SRRM5: variants seen among roughly 807,000 people sequenced by gnomAD.
SRRM5 encodes serine/arginine repetitive matrix 5, also known as serine/arginine repetitive matrix protein 5.
In SRRM5, 1 loss-of-function variant was observed where a neutral mutation model predicts 1.3. The observed-to-expected ratio is 0.76, with a 90% CI of 0.27 to 3.59. The LOEUF (loss-of-function observed/expected upper bound fraction) is 3.59. Among genes scored for constraint, SRRM5 ranks in the 30% most tolerant of loss-of-function variants. SRRM5 has a pLI of 0.19. For missense variants in SRRM5, 875 were observed against 914.5 expected, an observed-to-expected ratio of 0.96 and a Z score of 0.56; for synonymous variants, 275 against 320.2, an observed-to-expected ratio of 0.86 and a Z score of 1.51.
At position 43,613,639 on chromosome 19, in the gene SRRM5, G is replaced by A. The variant is rs568803309; in HGVS notation, c.1518G>A (p.Glu506=). Residue 506 remains glutamate, a synonymous_variant, in exon 1 of 1, where the codon GAG becomes GAA. Transcript: ENST00000417606. ...GACGATCTAGAAGCCCCAGCAAGGA[G>A]AGACAGTGCAGACAATCTAGAAGCT... ...DHRRSRSPSK[E]RQCRQSRSSS... is the part of the protein sequence containing the mutation. 3.2e-6 allele frequency: 5 copies of A among 1,548,380 alleles called. No homozygotes were observed. The highest frequency in any genetic ancestry group is 4.4e-6 in the Non-Finnish European group (5 of 1,145,446).
Position 43,614,474 on chromosome 19 carries a change from A to T in SRRM5, c.*205A>T, listed in dbSNP as rs1973352148. 1.4e-6 allele frequency: 2 copies of T among 1,424,618 alleles called. No individual in the cohort carries two copies. Among genetic ancestry groups the T allele is most frequent in the African/African-American group, 1.4e-5 (1 of 69,462 alleles). 88.2% of individuals were successfully genotyped at this position (1,424,618 alleles called of 1,614,324 possible). On this transcript the variant is annotated 3_prime_UTR_variant, in exon 1 of 1. Transcript: ENST00000417606. ...AGGAAAGACCTGTGATGATTCAATAAATTTTTACATAGCACCCATCCCCAC... is the reference window on the plus strand; with the variant it reads ...AGGAAAGACCTGTGATGATTCAATATATTTTTACATAGCACCCATCCCCAC...
chr19:43,612,687 G>A lies in SRRM5; in HGVS notation c.566G>A (p.Arg189Lys). The A allele has an allele frequency of 1.9e-6, 3 of 1,551,574 alleles. No individual in the cohort carries two copies. The highest frequency in any genetic ancestry group is 2.6e-6 in the Non-Finnish European group (3 of 1,146,994). The change falls in exon 1 of 1, where the codon AGA becomes AAA. Residue 189 changes from arginine to lysine, a missense_variant. By Grantham distance (26) the Arg-to-Lys change is conservative. Coordinates refer to ENST00000417606, the MANE Select transcript of SRRM5 (RefSeq NM_001145641.2). The surrounding 1 kb of genome is among the most constrained non-coding windows in gnomAD (Gnocchi z 4.2). Reference protein sequence around the residue: ...SNRERSDSQPRNLSKKSYRPP... With the variant: ...SNRERSDSQPKNLSKKSYRPP... ...AGGGAAAGGAGTGACAGCCAGCCTA[G>A]AAATCTGAGCAAGAAGAGTTACCGC...
rs1973335623 is a variant in SRRM5 at position 43,613,684 on chromosome 19, C to T, written c.1563C>T (p.His521=). The T allele has an allele frequency of 2.6e-6, 4 of 1,551,576 alleles. No homozygotes were observed. The highest frequency in any genetic ancestry group is 1.2e-5 in the South Asian group (1 of 84,052). ...GAAGCTCCAGCAAAGAGAGAGATCA[C>T]AGACGATCTAGAAGCCCCAGCAAGG... ...QSRSSSKERD[H]RRSRSPSKER... Residue 521 remains histidine, a synonymous_variant, in exon 1 of 1, where the codon CAC becomes CAT. Coordinates refer to ENST00000417606, the MANE Select transcript of SRRM5 (RefSeq NM_001145641.2).
In SRRM5 at chr19:43,612,535, G is replaced by A. The variant is rs764828004; in HGVS notation, c.414G>A (p.Arg138=). ...GCAGCTCCAAGAGGTCACCCAGCAGGGCCAGCACTCCTGGCAGGATAAGAA... is the reference window on the plus strand; with the variant it reads ...GCAGCTCCAAGAGGTCACCCAGCAGAGCCAGCACTCCTGGCAGGATAAGAA... The part of the protein sequence containing the change: ...GSRSSKRSPS[R]ASTPGRIRTH... The change falls in exon 1 of 1, where the codon AGG becomes AGA. Residue 138 remains arginine, a synonymous_variant. Coordinates refer to ENST00000417606, the MANE Select transcript of SRRM5 (RefSeq NM_001145641.2). This position sits in a 1 kb window ranked among gnomAD's most constrained non-coding sequence, Gnocchi z 4.2. 1 of 1,551,394 alleles carries A rather than the reference G, an allele frequency of 6.4e-7. No homozygotes were observed. Among genetic ancestry groups the A allele is most frequent in the Non-Finnish European group, 8.7e-7 (1 of 1,146,960 alleles).
chr19:43,612,942 C>A lies in SRRM5; in HGVS notation c.821C>A (p.Thr274Asn), dbSNP rs1600087108. ...SRVKSYNQAS[T>N]RSRPQSHSQS... is the part of the protein sequence containing the mutation. ...GTCAAGAGTTATAACCAGGCCAGCACCCGCAGCAGGCCGCAAAGTCACAGC... is the reference window on the plus strand; with the variant it reads ...GTCAAGAGTTATAACCAGGCCAGCAACCGCAGCAGGCCGCAAAGTCACAGC... Residue 274 changes from threonine (T) to asparagine (N), a missense_variant, in exon 1 of 1, where the codon ACC becomes AAC. Coordinates refer to ENST00000417606, the MANE Select transcript of SRRM5 (RefSeq NM_001145641.2). This position sits in a 1 kb window ranked among gnomAD's most constrained non-coding sequence, Gnocchi z 4.2. 7.1e-6 allele frequency: 11 copies of A among 1,551,648 alleles called. No individual in the cohort carries two copies. The highest frequency in any genetic ancestry group is 9.6e-6 in the Non-Finnish European group (11 of 1,146,950).
rs1973324850 is a variant in SRRM5, at chr19:43,613,292, CA to C, written c.1173del (p.Gln391HisfsTer296). ...CCCCAGGAAGGAGAGTGGTCGCAGT[CA>C]ATCAGGAAGCCCCAACAAGCAGAGA... On this transcript the variant is annotated frameshift_variant, in exon 3 of 3. Transcript: ENST00000607544. LOFTEE classifies it low-confidence loss of function (END_TRUNC). 1.3e-6 allele frequency: 2 copies of C among 1,551,468 alleles called. No individual in the cohort carries two copies. The highest frequency in any genetic ancestry group is 1.7e-6 in the Non-Finnish European group (2 of 1,146,974).
rs144221927 is a variant in SRRM5, at chr19:43,613,689, G to T, written c.1568G>T (p.Arg523Leu). ...RSSSKERDHR[R>L]SRSPSKERQR... ...TCCAGCAAAGAGAGAGATCACAGAC[G>T]ATCTAGAAGCCCCAGCAAGGAGAGA... The change falls in exon 1 of 1, where the codon CGA (arginine) becomes CTA (leucine). Residue 523 changes from arginine to leucine, a missense_variant. Physicochemically the swap from Arg to Leu is moderately radical, Grantham distance 102. Coordinates refer to ENST00000417606, the MANE Select transcript of SRRM5 (RefSeq NM_001145641.2). The T allele has an allele frequency of 1.1e-3, 1,682 of 1,550,978 alleles. 10 individuals carry two copies. In the African/African-American group the frequency reaches 0.021, roughly 19 times the overall value.
In SRRM5 at chr19:43,613,977, G is replaced by T. The variant is rs551305864; in HGVS notation, c.1856G>T (p.Arg619Leu). The T allele has an allele frequency of 6.4e-7, 1 of 1,551,626 alleles. No homozygotes were observed. The highest frequency in any genetic ancestry group is 1.2e-5 in the South Asian group (1 of 84,056). ...TCCAGCAAGGAGAAAGCTCATAGCC[G>T]ATCTAGAACCCCCAGCAAAGAAGGA... ...RASSKEKAHS[R>L]SRTPSKEGNH... is the part of the protein sequence containing the mutation. Residue 619 changes from arginine to leucine, a missense_variant, in exon 1 of 1, where the codon CGA becomes CTA. Transcript: ENST00000417606.
chr19:43,613,997 G>A lies in SRRM5; in HGVS notation c.1876G>A (p.Glu626Lys), dbSNP rs1973344018. Reference protein sequence around the residue: ...AHSRSRTPSKEGNHSQSRTSS... With the variant: ...AHSRSRTPSKKGNHSQSRTSS... ...TAGCCGATCTAGAACCCCCAGCAAA[G>A]AAGGAAATCATAGCCAATCTAGAAC... Residue 626 changes from glutamate (E) to lysine (K), a missense_variant, in exon 1 of 1, where the codon GAA (glutamate) becomes AAA (lysine). By Grantham distance (56) the Glu-to-Lys change is moderately conservative. Coordinates refer to ENST00000417606, the MANE Select transcript of SRRM5 (RefSeq NM_001145641.2). 1.3e-6 allele frequency: 2 copies of A among 1,551,756 alleles called. No individual in the cohort carries two copies. The highest frequency in any genetic ancestry group is 1.7e-6 in the Non-Finnish European group (2 of 1,146,996).
rs1973337530 is a variant in SRRM5 at position 43,613,744 on chromosome 19, G to A, written c.1623G>A (p.Lys541=). The A allele has an allele frequency of 3.9e-6, 6 of 1,550,974 alleles. No individual in the cohort carries two copies. The highest frequency in any genetic ancestry group is 1.7e-4 in the Middle Eastern group (1 of 5,992). ...RQRRQSRSPN[K]ERDRSQSRSP... ...GCAGACAATCTAGAAGCCCCAACAAGGAGAGAGATCGCAGCCAATCTAGAA... is the reference window on the plus strand; with the variant it reads ...GCAGACAATCTAGAAGCCCCAACAAAGAGAGAGATCGCAGCCAATCTAGAA... Residue 541 remains lysine, a synonymous_variant, in exon 1 of 1, where the codon AAG becomes AAA. Transcript: ENST00000417606.
chr19:43,612,807 AGAAG>A lies in SRRM5; in HGVS notation c.687_690del (p.Lys230ValfsTer12). ...ACCCCGACTGGAATTCCCTCCAAGGAGAAGAGTGACAACCCATCTCCATCCTCAT... is the reference window on the plus strand; with the variant it reads ...ACCCCGACTGGAATTCCCTCCAAGGAAGTGACAACCCATCTCCATCCTCAT... On this transcript the variant is annotated frameshift_variant, in exon 3 of 3. Transcript: ENST00000607544. LOFTEE classifies it low-confidence loss of function (END_TRUNC). The surrounding 1 kb of genome is among the most constrained non-coding windows in gnomAD (Gnocchi z 4.2). 1.2e-5 allele frequency: 18 copies of A among 1,551,606 alleles called. No individual in the cohort carries two copies. The highest frequency in any genetic ancestry group is 1.6e-5 in the Non-Finnish European group (18 of 1,146,952).
Position 43,612,364 on chromosome 19 carries a change from G to A in SRRM5, c.243G>A (p.Arg81=). 1.3e-6 allele frequency: 2 copies of A among 1,551,642 alleles called. No individual in the cohort carries two copies. Among genetic ancestry groups the A allele is most frequent in the South Asian group, 1.2e-5 (1 of 84,052 alleles). ...CCCCTTCTAACCGGCCCAGCAGCAG[G>A]TCCCGAGTCCGCAGCAAAGCAAGAA... ...KRAPSNRPSS[R]SRVRSKARTP... The change falls in exon 1 of 1, where the codon AGG becomes AGA. Residue 81 remains arginine, a synonymous_variant. Coordinates refer to ENST00000417606, the MANE Select transcript of SRRM5 (RefSeq NM_001145641.2). This position sits in a 1 kb window ranked among gnomAD's most constrained non-coding sequence, Gnocchi z 4.2.
Position 43,612,544 on chromosome 19 carries a change from T to C in SRRM5, c.423T>C (p.Thr141=). The part of the protein sequence containing the change: ...SSKRSPSRAS[T]PGRIRTHGAR... ...AGAGGTCACCCAGCAGGGCCAGCAC[T>C]CCTGGCAGGATAAGAACTCATGGTG... Residue 141 remains threonine (T), a synonymous_variant, in exon 1 of 1, where the codon ACT becomes ACC. Transcript: ENST00000417606. The surrounding 1 kb of genome is among the most constrained non-coding windows in gnomAD (Gnocchi z 4.2). 6.4e-7 allele frequency: 1 copy of C among 1,550,994 alleles called. No homozygotes were observed. Among genetic ancestry groups the C allele is most frequent in the Non-Finnish European group, 8.7e-7 (1 of 1,146,860 alleles).
Position 43,612,562 on chromosome 19 carries a change from T to G in SRRM5, c.441T>G (p.Thr147=), listed in dbSNP as rs1973311561. ...SRASTPGRIR[T]HGARPGMASR... ...CCAGCACTCCTGGCAGGATAAGAAC[T>G]CATGGTGCCAGACCAGGCATGGCCA... The change falls in exon 1 of 1, where the codon ACT becomes ACG. Residue 147 remains threonine (T), a synonymous_variant. Transcript: ENST00000417606. The surrounding 1 kb of genome is among the most constrained non-coding windows in gnomAD (Gnocchi z 4.2). 22 of 1,550,990 alleles carry G rather than the reference T, an allele frequency of 1.4e-5. No homozygotes were observed. Among genetic ancestry groups the G allele is most frequent in the Non-Finnish European group, 1.8e-5 (21 of 1,146,828 alleles).
At position 43,612,361 on chromosome 19, in the gene SRRM5, C is replaced by T; in HGVS notation, c.240C>T (p.Ser80=). 1 of 1,551,736 alleles carries T rather than the reference C, an allele frequency of 6.4e-7. No individual in the cohort carries two copies. ...TKRAPSNRPS[S]RSRVRSKART... ...GAGCCCCTTCTAACCGGCCCAGCAG[C>T]AGGTCCCGAGTCCGCAGCAAAGCAA... The change falls in exon 1 of 1, where the codon AGC becomes AGT. Residue 80 remains serine, a synonymous_variant. Coordinates refer to ENST00000417606, the MANE Select transcript of SRRM5 (RefSeq NM_001145641.2). The surrounding 1 kb of genome is among the most constrained non-coding windows in gnomAD (Gnocchi z 4.2).
chr19:43,613,945 T>A lies in SRRM5; in HGVS notation c.1824T>A (p.Pro608=). The change falls in exon 1 of 1, where the codon CCT becomes CCA. Residue 608 remains proline, a synonymous_variant. Transcript: ENST00000417606. The part of the protein sequence containing the change: ...SPNKQSGYSR[P]RASSKEKAHS... Reference sequence around the variant, plus strand: ...ATAAGCAGAGTGGTTACAGTCGACCTAGAGCCTCCAGCAAGGAGAAAGCTC... The same window carrying A: ...ATAAGCAGAGTGGTTACAGTCGACCAAGAGCCTCCAGCAAGGAGAAAGCTC... 1 of 1,551,646 alleles carries A rather than the reference T, an allele frequency of 6.4e-7. No individual in the cohort carries two copies. Among genetic ancestry groups the A allele is most frequent in the East Asian group, 2.4e-5 (1 of 40,920 alleles).
Position 43,614,434 on chromosome 19 carries a change from G to C in SRRM5, c.*165G>C. ...AGGATGTTGGCAGGTAGAGAGGGATGCTGGATAGGGGGAAAGGAAAGACCT... is the reference window on the plus strand; with the variant it reads ...AGGATGTTGGCAGGTAGAGAGGGATCCTGGATAGGGGGAAAGGAAAGACCT... On this transcript the variant is annotated 3_prime_UTR_variant, in exon 1 of 1. Transcript: ENST00000417606. 4 of 1,451,072 alleles carry C rather than the reference G, an allele frequency of 2.8e-6. No homozygotes were observed. Among genetic ancestry groups the C allele is most frequent in the Non-Finnish European group, 3.6e-6 (4 of 1,106,004 alleles). 89.9% of individuals were successfully genotyped at this position (1,451,072 alleles called of 1,614,324 possible).
Position 43,612,693 on chromosome 19 carries a change from T to G in SRRM5, c.572T>G (p.Leu191Arg). ...RERSDSQPRNLSKKSYRPPGG... is the reference protein window; with the variant it reads ...RERSDSQPRNRSKKSYRPPGG... ...AGGAGTGACAGCCAGCCTAGAAATC[T>G]GAGCAAGAAGAGTTACCGCCCACCA... Residue 191 changes from leucine to arginine, a missense_variant, in exon 1 of 1, where the codon CTG becomes CGG. Transcript: ENST00000417606. The surrounding 1 kb of genome is among the most constrained non-coding windows in gnomAD (Gnocchi z 4.2). The G allele has an allele frequency of 6.4e-7, 1 of 1,551,508 alleles. No individual in the cohort carries two copies.
Position 43,613,108 on chromosome 19 carries a change from C to G in SRRM5, c.987C>G (p.His329Gln). The G allele has an allele frequency of 6.4e-7, 1 of 1,551,630 alleles. No homozygotes were observed. The change falls in exon 1 of 1, where the codon CAC becomes CAG. Residue 329 changes from histidine (H) to glutamine (Q), a missense_variant. His to Gln is a conservative substitution (Grantham distance 24). Transcript: ENST00000417606. ...RKGILSQMGR[H>Q]SQSRSHSKGK... is the part of the protein sequence containing the mutation. ...GAATTCTGAGCCAGATGGGAAGACA[C>G]AGCCAGTCTAGAAGCCACAGCAAGG... is the stretch of plus-strand genomic sequence containing the variant.
Sources: allele counts gnomAD v4.1 joint callset, GRCh38; gene constraint gnomAD v4.1.1; non-coding constraint Gnocchi (gnomAD v3.1); transcripts MANE v1.5; gene names NCBI Gene and HGNC (gene_info 2026-07-23, HGNC 2026-07-21).